The following SPHKAP variants were observed in gnomAD, a reference collection of about 807,000 sequenced individuals.
The protein encoded by SPHKAP is SPHK1 interactor, AKAP domain containing, also known as A-kinase anchor protein SPHKAP.
SPHKAP carries 67 observed loss-of-function variants against 137.5 expected under a neutral mutation model. The observed-to-expected ratio is 0.49, with a 90% confidence interval of 0.40 to 0.60. The LOEUF is 0.60. Among genes scored for constraint, SPHKAP ranks in the 20% least tolerant of loss-of-function variants. The pLI is 0.00. For missense variants in SPHKAP, 2,097 were observed against 2,069.3 expected (o/e 1.01, Z -0.26); for synonymous variants, 813 against 785.3 (o/e 1.04, Z -0.59).
At chr2:228,022,700 G>A (rs1175659579) in intron 5 of SPHKAP, among the ~76,000 whole-genome samples, 1 of 152,132 alleles carries the variant, frequency 6.6e-6, no homozygotes, top group Non-Finnish European at 1.5e-5. Flanking sequence ...CTAAGAAAAG[G>A]GAAGTCAGGG....
rs1020741559 is a variant in SPHKAP, at chr2:228,021,562, T to C, written c.697+149A>G. ...GTCAGTATCTTCACCAGTGTTCTCA[T>C]ATCCTCCTTCCTTCCTTCCTTAAAA... On this transcript the variant is annotated intron_variant, in intron 6 of 11. Transcript: ENST00000392056. The C allele has an allele frequency of 5.2e-6, 5 of 968,408 alleles. No homozygotes were observed. In the African/African-American group the frequency reaches 6.5e-5, roughly 13 times the overall value. 60.0% of individuals were successfully genotyped at this position (968,408 alleles called of 1,614,324 possible).
At chr2:228,045,261 G>A (rs539672623) in intron 3 of SPHKAP, among the ~76,000 whole-genome samples, 6 of 150,886 alleles carry the variant, frequency 4.0e-5, no homozygotes, top group East Asian at 1.9e-4. Context: ...TATACCCAAA[G>A]GATTATAAAT....
rs543762250 is a variant in SPHKAP at position 228,150,764 on chromosome 2, T to A, written c.33-18679A>T. On this transcript the variant is annotated intron_variant, in intron 1 of 11. Transcript: ENST00000392056. ...TATTCTCCATAGTCTATGTTTCTTT[T>A]TTTGGAGACAGGGTCTCATTCTGTC... Among the ~76,000 whole-genome samples the A allele has an allele frequency of 8.6e-5, 13 of 152,024 alleles. No homozygotes were observed. The South Asian group carries it at 2.7e-3, about 32-fold the overall frequency.
intron 1 of SPHKAP, chr2:228,172,950 T>G: frequency 1.3e-6 from 1 of 785,474 alleles, no homozygotes; most frequent in Non-Finnish European, 1.5e-6. Context: ...GAAGAGCAAG[T>G]ACAATCCTGC....
intron 3 of SPHKAP, among the ~76,000 whole-genome samples, chr2:228,061,754 CAT>C (rs1389784271): frequency 2.0e-5 from 3 of 151,822 alleles, no homozygotes; most frequent in Non-Finnish European, 2.9e-5. Context: ...CACACACACA[CAT>C]ACACACACAT....
intron 11 of SPHKAP, among the ~76,000 whole-genome samples, chr2:227,988,714 T>C (rs1407257443): frequency 6.6e-6 from 1 of 152,180 alleles, no homozygotes; most frequent in East Asian, 1.9e-4. Flanking sequence ...AGCCTGGGAA[T>C]GTATTCCTGA....
At chr2:228,104,656 T>A (rs544472011) in intron 3 of SPHKAP, among the ~76,000 whole-genome samples, 1 of 152,264 alleles carries the variant, frequency 6.6e-6, no homozygotes, top group Non-Finnish European at 1.5e-5. Flanking sequence ...GAAGGCTGCT[T>A]GAGAGCTTTA....
In SPHKAP at chr2:228,019,673, T is replaced by C. The variant is rs774522599; in HGVS notation, c.1181A>G (p.Asn394Ser). ...ATCCTGCAGCACGGATTCTGCTAAA[T>C]TTGTAGCATACTTGCCAGTGGTGAC... ...GEVTTGKYAT[N>S]LAESVLQDAF... Residue 394 changes from asparagine to serine, a missense_variant, in exon 7 of 12, where the codon AAT becomes AGT. Transcript: ENST00000392056. The C allele has an allele frequency of 6.2e-7, 1 of 1,614,182 alleles. No homozygotes were observed. Among genetic ancestry groups the C allele is most frequent in the Non-Finnish European group, 8.5e-7 (1 of 1,180,014 alleles).
chr2:228,117,077 G>C (rs7601448), intron 2 of SPHKAP, among the ~76,000 whole-genome samples: 52,300 of 151,898 alleles, frequency 0.34, 9,271 homozygotes, highest in East Asian at 0.5. Flanking sequence ...TTCTTCCTCA[G>C]AATATTGGAA....
chr2:228,173,052 T>G, intron 1 of SPHKAP: 1 of 985,424 alleles, frequency 1.0e-6, no homozygotes, highest in South Asian at 4.7e-5. Context: ...TGGTAGGGTT[T>G]CCAGGTCCAT....
At chr2:228,178,243 C>G in intron 1 of SPHKAP, among the ~76,000 whole-genome samples, 1 of 152,098 alleles carries the variant, frequency 6.6e-6, no homozygotes, top group African/African-American at 2.4e-5. Flanking sequence ...TTGTGGATGA[C>G]CTAGCTCTGC....
In SPHKAP at chr2:228,180,616, G is replaced by A. The variant is rs755886356; in HGVS notation, c.32+951C>T. ...CGCTGCCCAGGAGAGGTGGGGCTGC[G>A]CCGCAGCCAGGACACCCTCTCCCTG... On this transcript the variant is annotated intron_variant, in intron 1 of 11. Transcript: ENST00000392056. Among the ~76,000 whole-genome samples the A allele has an allele frequency of 8.5e-5, 13 of 152,158 alleles. 1 individual carries two copies. Among genetic ancestry groups the A allele is most frequent in the Non-Finnish European group, 1.5e-4 (10 of 68,036 alleles).
At chr2:228,047,359 G>T (rs1696098429) in intron 3 of SPHKAP, among the ~76,000 whole-genome samples, 1 of 151,876 alleles carries the variant, frequency 6.6e-6, no homozygotes, top group Admixed American at 6.6e-5. Flanking sequence ...CCAGCTACTT[G>T]GGAGGCTGAG....
intron 3 of SPHKAP, among the ~76,000 whole-genome samples, chr2:228,032,932 T>A (rs941145178): frequency 2.0e-5 from 3 of 152,008 alleles, no homozygotes; most frequent in Non-Finnish European, 4.4e-5. Flanking sequence ...CATGCCAAAA[T>A]GTAAAGACCA....
At chr2:228,139,763 T>C (rs552683249) in intron 1 of SPHKAP, among the ~76,000 whole-genome samples, 109 of 152,266 alleles carry the variant, frequency 7.2e-4, no homozygotes, top group Admixed American at 1.8e-3. Flanking sequence ...ATAATGTGTA[T>C]AAAAACATTA....
intron 2 of SPHKAP, among the ~76,000 whole-genome samples, chr2:228,117,942 T>C (rs982379406): frequency 6.6e-6 from 1 of 151,504 alleles, no homozygotes; most frequent in African/African-American, 2.4e-5. Context: ...AGGGAAAAAA[T>C]TGTGACATAC....
chr2:228,093,859 C>CAA (rs11336381), intron 3 of SPHKAP, among the ~76,000 whole-genome samples: 4 of 77,106 alleles, frequency 5.2e-5, no homozygotes, highest in Admixed American at 1.9e-4. Context: ...GACTCCGTTT[C>CAA]AAAAAAAAAA....
chr2:228,105,981 T>C (rs1698333528), intron 3 of SPHKAP, among the ~76,000 whole-genome samples: 1 of 152,240 alleles, frequency 6.6e-6, no homozygotes, highest in Non-Finnish European at 1.5e-5. Context: ...CCAGACTTCC[T>C]GGATAGCGGT....
intron 1 of SPHKAP, among the ~76,000 whole-genome samples, chr2:228,148,417 G>A (rs1185128360): frequency 6.6e-6 from 1 of 152,202 alleles, no homozygotes; most frequent in African/African-American, 2.4e-5. Context: ...GATAGAAGAA[G>A]GTAGCAGGAT....
Sources: allele counts gnomAD v4.1 joint callset (sites outside exome capture counted in the v4.1 genomes callset), GRCh38; gene constraint gnomAD v4.1.1; transcripts MANE v1.5; gene names NCBI Gene and HGNC (gene_info 2026-07-23, HGNC 2026-07-21).